The following LOXHD1 variants were observed in gnomAD, a reference collection of about 807,000 sequenced individuals.
LOXHD1 encodes the protein lipoxygenase homology PLAT domains 1.
LOXHD1 carries 205 observed loss-of-function variants against 248.2 expected under a neutral mutation model. The observed-to-expected ratio is 0.83, with a 90% CI of 0.74 to 0.93. The LOEUF (loss-of-function observed/expected upper bound fraction) is 0.93. LOXHD1 is among the 40% of genes least tolerant of loss of function. LOXHD1 has a pLI of 0.00. For missense variants in LOXHD1, 2,930 were observed against 2,971.6 expected (o/e 0.99, Z 0.33); for synonymous variants, 1,113 against 1,162.8 (o/e 0.96, Z 0.87).
At chr18:46,639,538 A>G (rs942482913) in intron 4 of LOXHD1, 78 bp downstream of exon 4, 2 of 1,482,176 alleles carry the variant, frequency 1.3e-6, no homozygotes. Flanking sequence ...TGCCCAGAGC[A>G]AGACAGGCAC....
In LOXHD1 at chr18:46,650,328, AT is replaced by A. The variant is rs1243312737; in HGVS notation, c.131-1060del. 2.0e-5 allele frequency among the ~76,000 whole-genome samples: 3 copies of A among 152,308 alleles called. No individual in the cohort carries two copies. In the East Asian group the frequency reaches 5.8e-4, roughly 29 times the overall value. On this transcript the variant is annotated intron_variant, in intron 1 of 40. Coordinates refer to ENST00000642948, the MANE Select transcript of LOXHD1 (RefSeq NM_001384474.1). The stretch of plus-strand genomic sequence containing the variant: ...CCACGTTGGGAAGATGGAATTTACA[AT>A]GTGGAGAGTCAGCAAAATGTGGGGA...
At chr18:46,609,964 C>T (rs1305822765) in intron 6 of LOXHD1, among the ~76,000 whole-genome samples, 2 of 151,502 alleles carry the variant, frequency 1.3e-5, no homozygotes, top group African/African-American at 4.9e-5. Context: ...TTGCTTTCTT[C>T]TTGATTCTTA....
chr18:46,641,982 G>A lies in LOXHD1; in HGVS notation c.300C>T (p.Asn100=), dbSNP rs1280239018. The A allele has an allele frequency of 6.4e-7, 1 of 1,552,286 alleles. No homozygotes were observed. The highest frequency in any genetic ancestry group is 8.7e-7 in the Non-Finnish European group (1 of 1,147,094). ...GNVDVFRVRT[N]NVGLIYKVRI... is the part of the protein sequence containing the mutation. Reference sequence around the variant, plus strand: ...TGACTTTATAGATGAGGCCCACATTGTTGGTTCTCACCCGGAACACATCGA... The same window carrying A: ...TGACTTTATAGATGAGGCCCACATTATTGGTTCTCACCCGGAACACATCGA... Residue 100 remains asparagine, a synonymous_variant, in exon 3 of 41, where the codon AAC becomes AAT. Coordinates refer to ENST00000642948, the MANE Select transcript of LOXHD1 (RefSeq NM_001384474.1).
intron 21 of LOXHD1, among the ~76,000 whole-genome samples, chr18:46,554,026 GC>G (rs2037217822): frequency 6.6e-6 from 1 of 152,218 alleles, no homozygotes; most frequent in South Asian, 2.1e-4. Flanking sequence ...CACCAAACAT[GC>G]TTTGGCTTTG....
intron 18 of LOXHD1, 132 bp from the exon 19 acceptor site, chr18:46,560,677 T>C (rs1827246951): frequency 2.4e-6 from 2 of 822,406 alleles, no homozygotes; most frequent in African/African-American, 3.4e-5. Flanking sequence ...CTGGGGCCTC[T>C]GTGCTCAGAT....
At chr18:46,591,064 G>T (rs1408984122) in intron 12 of LOXHD1, among the ~76,000 whole-genome samples, 1 of 152,176 alleles carries the variant, frequency 6.6e-6, no homozygotes, top group Non-Finnish European at 1.5e-5. Flanking sequence ...CTTCTACTGG[G>T]TGTGCAAATG....
At chr18:46,530,270 G>C (rs1281712103) in intron 28 of LOXHD1, among the ~76,000 whole-genome samples, 1 of 152,184 alleles carries the variant, frequency 6.6e-6, no homozygotes, top group Non-Finnish European at 1.5e-5. Flanking sequence ...CTGGGAGGGA[G>C]TGAGGATTCG....
At chr18:46,624,491 G>T (rs967955640) in intron 4 of LOXHD1, among the ~76,000 whole-genome samples, 1 of 152,136 alleles carries the variant, frequency 6.6e-6, no homozygotes, top group East Asian at 1.9e-4. Flanking sequence ...CATGGCCACC[G>T]ACCAATGGAT....
intron 14 of LOXHD1, among the ~76,000 whole-genome samples, chr18:46,577,287 A>G (rs973739267): frequency 3.9e-5 from 6 of 152,346 alleles, no homozygotes; most frequent in East Asian, 3.9e-4. Flanking sequence ...ACAAGGTAAG[A>G]TACCTTGAAA....
chr18:46,612,717 T>C (rs1028002487), intron 5 of LOXHD1, among the ~76,000 whole-genome samples: 3 of 152,286 alleles, frequency 2.0e-5, no homozygotes, highest in Non-Finnish European at 4.4e-5. Flanking sequence ...TAGAGTTTCT[T>C]CTAAAAATTT....
intron 14 of LOXHD1, among the ~76,000 whole-genome samples, chr18:46,574,971 G>A (rs765582428): frequency 1.3e-5 from 2 of 152,152 alleles, no homozygotes; most frequent in African/African-American, 4.8e-5. Context: ...CCCAGGGCTC[G>A]GCCCTCACTG....
chr18:46,591,608 G>A (rs922274104), intron 12 of LOXHD1, among the ~76,000 whole-genome samples: 12 of 152,102 alleles, frequency 7.9e-5, no homozygotes, highest in Non-Finnish European at 1.8e-4. Context: ...CAATTTGAGG[G>A]GAGCAAGAGG....
At chr18:46,602,151 C>T (rs1314526306) in intron 7 of LOXHD1, among the ~76,000 whole-genome samples, 1 of 152,178 alleles carries the variant, frequency 6.6e-6, no homozygotes, top group Non-Finnish European at 1.5e-5. Flanking sequence ...CAAAGACAAA[C>T]ATTTGGACAG....
At chr18:46,613,702 C>T (rs1446164139) in intron 5 of LOXHD1, among the ~76,000 whole-genome samples, 1 of 151,918 alleles carries the variant, frequency 6.6e-6, no homozygotes, top group Non-Finnish European at 1.5e-5. Flanking sequence ...TGGTAGATAG[C>T]CTTATATTTT....
At chr18:46,518,664 G>A (rs2035403278) in intron 33 of LOXHD1, among the ~76,000 whole-genome samples, 3 of 152,344 alleles carry the variant, frequency 2.0e-5, no homozygotes, top group Admixed American at 1.3e-4. Context: ...GCAGATGCCC[G>A]ACCTCACCAG....
intron 38 of LOXHD1, among the ~76,000 whole-genome samples, chr18:46,485,681 G>A (rs1164493123): frequency 6.6e-6 from 1 of 152,176 alleles, no homozygotes; most frequent in African/African-American, 2.4e-5. Context: ...CAAGTGCCAG[G>A]ACTGGACTAG....
chr18:46,527,393 A>T (rs953526967), intron 29 of LOXHD1, among the ~76,000 whole-genome samples: 2 of 152,214 alleles, frequency 1.3e-5, no homozygotes, highest in African/African-American at 4.8e-5. Flanking sequence ...ACTTGACAAC[A>T]TCCAGCACAA....
At chr18:46,611,998 C>A (rs1219606774) in intron 5 of LOXHD1, among the ~76,000 whole-genome samples, 2 of 152,152 alleles carry the variant, frequency 1.3e-5, no homozygotes, top group African/African-American at 4.8e-5. Context: ...TTGTCACATA[C>A]CCTTATGCTA....
intron 40 of LOXHD1, among the ~76,000 whole-genome samples, chr18:46,479,327 G>A (rs2032344618): frequency 6.7e-6 from 1 of 150,232 alleles, no homozygotes; most frequent in Admixed American, 6.7e-5. Flanking sequence ...GCCATCACAA[G>A]CAGAAGCAAG....
Sources: gnomAD v4.1 joint callset for allele counts (sites outside exome capture counted in the v4.1 genomes callset) on GRCh38, gnomAD v4.1.1 for gene constraint, MANE v1.5 for transcripts, NCBI Gene and HGNC (gene_info 2026-07-23, HGNC 2026-07-21) for gene names.